The following CAST variants were observed in gnomAD, a reference collection of about 807,000 sequenced individuals.
CAST encodes the protein calpastatin.
CAST carries 76 observed loss-of-function variants against 119.6 expected under a neutral mutation model. That is an observed-to-expected ratio of 0.64 (90% CI 0.53 to 0.77). The LOEUF (loss-of-function observed/expected upper bound fraction) is 0.77. CAST is among the 30% of genes least tolerant of loss of function. The pLI is 0.00. For missense variants in CAST, 953 were observed against 946.5 expected (o/e 1.01, Z -0.09); for synonymous variants, 319 against 331.6 (o/e 0.96, Z 0.41).
chr5:96,153,275 G>T, the CAST span, among the ~76,000 whole-genome samples: 1 of 152,138 alleles, frequency 6.6e-6, no homozygotes, highest in Non-Finnish European at 1.5e-5. Flanking sequence ...TCCCACCTTG[G>T]CTGGTTCACT....
At chr5:96,659,407 C>T (rs976785045), upstream of CAST, among the ~76,000 whole-genome samples, 9 of 152,160 alleles carry the variant, frequency 5.9e-5, no homozygotes, top group African/African-American at 2.2e-4. Context: ...TTGTAAAGTC[C>T]TTTAGTGTAA....
chr5:96,141,377 C>T, the CAST span, among the ~76,000 whole-genome samples: 1 of 152,170 alleles, frequency 6.6e-6, no homozygotes, highest in African/African-American at 2.4e-5. Context: ...CAATTAGATT[C>T]GTTTTCTACT....
the CAST span, among the ~76,000 whole-genome samples, chr5:96,109,944 G>T: frequency 1.3e-5 from 2 of 148,164 alleles, no homozygotes; most frequent in African/African-American, 5.0e-5. Flanking sequence ...AAAAAAAAAA[G>T]AAAAAAAATA....
At chr5:96,647,542 T>C (rs974056966) in intron 1 of CAST, among the ~76,000 whole-genome samples, 1 of 152,284 alleles carries the variant, frequency 6.6e-6, no homozygotes, top group South Asian at 2.1e-4. Flanking sequence ...TATGTTGAAG[T>C]CCTAACCCCA....
chr5:96,742,845 CTT>C (rs1287483097), intron 16 of CAST, 89 bp downstream of exon 16: 2 of 904,614 alleles, frequency 2.2e-6, no homozygotes, highest in African/African-American at 3.3e-5. Context: ...TCTCGCACAA[CTT>C]TTATTGGAGA....
the CAST span, among the ~76,000 whole-genome samples, chr5:96,407,114 G>C: frequency 6.6e-6 from 1 of 152,118 alleles, no homozygotes; most frequent in Non-Finnish European, 1.5e-5. Context: ...ATCTAATTTG[G>C]GGTTGTGAAG....
At chr5:96,274,564 G>C in the CAST span, among the ~76,000 whole-genome samples, 2 of 152,206 alleles carry the variant, frequency 1.3e-5, no homozygotes, top group Non-Finnish European at 1.5e-5. Flanking sequence ...TTCAATTCCA[G>C]TTTGTGTCAC....
the CAST span, among the ~76,000 whole-genome samples, chr5:96,097,379 G>C: frequency 6.6e-6 from 1 of 150,956 alleles, no homozygotes; most frequent in South Asian, 2.1e-4. Context: ...TACAAGTGCA[G>C]GTTTGTTATA....
At chr5:96,728,515 C>G (rs375307703) in intron 6 of CAST, 3 of 149,914 alleles carry the variant, frequency 2.0e-5, no homozygotes, top group East Asian at 3.9e-4. Flanking sequence ...CTCGCTCTGT[C>G]GCCCAGGCTG....
At chr5:96,607,817 A>G (rs1355174166) in intron 1 of CAST, among the ~76,000 whole-genome samples, 5 of 152,056 alleles carry the variant, frequency 3.3e-5, no homozygotes, top group African/African-American at 1.2e-4. Flanking sequence ...TTTCTTTTTT[A>G]ATAGGTTTTA....
chr5:96,561,225 A>G (rs1253885474), intron 1 of CAST, among the ~76,000 whole-genome samples: 1 of 150,356 alleles, frequency 6.7e-6, no homozygotes, highest in Non-Finnish European at 1.5e-5. Context: ...GGGGAGACGG[A>G]TAGCATTAGG....
chr5:96,509,117 T>C, the CAST span, among the ~76,000 whole-genome samples: 1,070 of 152,332 alleles, frequency 7.0e-3, 10 homozygotes, highest in African/African-American at 0.024. Flanking sequence ...AATTTTGAAG[T>C]TTCTAAATCT....
the CAST span, among the ~76,000 whole-genome samples, chr5:96,075,763 A>T: frequency 6.6e-6 from 1 of 152,212 alleles, no homozygotes; most frequent in African/African-American, 2.4e-5. Flanking sequence ...AGATTGCTTT[A>T]TTCCCTGGGC....
intron 1 of CAST, among the ~76,000 whole-genome samples, chr5:96,625,082 C>A (rs1315335392): frequency 6.6e-6 from 1 of 152,132 alleles, no homozygotes; most frequent in Admixed American, 6.6e-5. Flanking sequence ...GCACTTTTGG[C>A]TCTTTGAACT....
At chr5:96,167,792 A>G in the CAST span, among the ~76,000 whole-genome samples, 1 of 152,184 alleles carries the variant, frequency 6.6e-6, no homozygotes, top group African/African-American at 2.4e-5. Flanking sequence ...TACCCAGACC[A>G]AGAGGTATTT....
chr5:96,642,334 A>G (rs991401035), intron 1 of CAST, among the ~76,000 whole-genome samples: 2 of 152,210 alleles, frequency 1.3e-5, no homozygotes, highest in African/African-American at 2.4e-5. Flanking sequence ...TAAATGGATA[A>G]GGACACATTA....
chr5:96,677,236 T>C (rs1308731761), intron 2 of CAST, among the ~76,000 whole-genome samples: 1 of 152,244 alleles, frequency 6.6e-6, no homozygotes, highest in Non-Finnish European at 1.5e-5. Context: ...TGTTATTCTC[T>C]ATTAATGTTA....
chr5:96,079,074 C>G, the CAST span: 1 of 414,308 alleles, frequency 2.4e-6, no homozygotes, highest in South Asian at 1.6e-5. Context: ...GTATATGTAC[C>G]CATGCACTTA....
At chr5:96,521,508 A>G (rs1168838088), upstream of CAST, among the ~76,000 whole-genome samples, 1 of 152,182 alleles carries the variant, frequency 6.6e-6, no homozygotes, top group African/African-American at 2.4e-5. Flanking sequence ...TATTTTGTTC[A>G]TGACCAAACT....
Sources: gnomAD v4.1 joint callset for allele counts (sites outside exome capture counted in the v4.1 genomes callset) on GRCh38, gnomAD v4.1.1 for gene constraint, MANE v1.5 for transcripts, NCBI Gene and HGNC (gene_info 2026-07-23, HGNC 2026-07-21) for gene names.